MMP21: variants seen among roughly 807,000 people sequenced by gnomAD.
MMP21 encodes matrix metallopeptidase 21.
MMP21 carries 40 observed loss-of-function variants against 47.8 expected under a neutral mutation model. The ratio of observed to expected loss-of-function variants is 0.84; its 90% CI spans 0.65 to 1.09. The LOEUF (loss-of-function observed/expected upper bound fraction) is 1.09, where lower values mean the gene tolerates loss of function less well. Among genes scored for constraint, MMP21 ranks in the 50% least tolerant of loss-of-function variants. The probability of loss-of-function intolerance (pLI) is 0.00; values close to 1 mark genes in which losing one functional copy is unlikely to be tolerated. For missense variants in MMP21, 747 were observed against 775.3 expected (o/e 0.96, Z 0.43); for synonymous variants, 341 against 318.0 (o/e 1.07, Z -0.77).
chr10:125,773,763 TGGG>T lies in MMP21; in HGVS notation c.697+65_697+67del. 7.0e-7 allele frequency: 1 copy of T among 1,428,398 alleles called. No homozygotes were observed. The highest frequency in any genetic ancestry group is 2.7e-5 in the East Asian group (1 of 36,532). The allele number at this position is 1,428,398 out of a possible 1,614,324, so 88.5% of individuals were successfully genotyped here. On this transcript the variant is annotated intron_variant, in intron 2 of 6. Transcript: ENST00000368808. This position sits in a 1 kb window ranked among gnomAD's most constrained non-coding sequence, Gnocchi z 4.8. ...CCCCCCATTCTGCAGGTGGCCGAGGTGGGGGTAGGTGCGCCGGGGTCCCCGAGG... is the reference window on the plus strand; with the variant it reads ...CCCCCCATTCTGCAGGTGGCCGAGGTGGTAGGTGCGCCGGGGTCCCCGAGG...
chr10:125,771,384 G>A (rs931510381), intron 4 of MMP21, among the ~76,000 whole-genome samples: 15 of 151,954 alleles, frequency 9.9e-5, no homozygotes, highest in Non-Finnish European at 1.9e-4. Flanking sequence ...GAACAGAAAT[G>A]GGGTGGTCTC....
At chr10:125,771,677 G>T (rs1328382615) in intron 4 of MMP21, among the ~76,000 whole-genome samples, 1 of 152,164 alleles carries the variant, frequency 6.6e-6, no homozygotes, top group Non-Finnish European at 1.5e-5. Flanking sequence ...TGCTGGGATT[G>T]CAGGCATGAG....
In MMP21 at chr10:125,770,594, TA is replaced by T. The variant is rs763088203; in HGVS notation, c.980-4del. ...ATCAAATGATCCCTCACAGGAGCCT[TA>T]AAAAAACAAACAAAAAACAGCCACT... On this transcript the variant is annotated splice_polypyrimidine_tract_variant and splice_region_variant and intron_variant, in intron 4 of 6. Coordinates refer to ENST00000368808, the MANE Select transcript of MMP21 (RefSeq NM_147191.1). The T allele has an allele frequency of 1.2e-5, 20 of 1,610,508 alleles. No homozygotes were observed. The highest frequency in any genetic ancestry group is 2.7e-5 in the African/African-American group (2 of 74,770).
chr10:125,775,571 C>T lies in MMP21; in HGVS notation c.162+89G>A, dbSNP rs938214803. The T allele has an allele frequency of 6.9e-6, 10 of 1,456,822 alleles. No individual in the cohort carries two copies. The Admixed American group carries it at 2.2e-4, about 32-fold the overall frequency. The allele number at this position is 1,456,822 out of a possible 1,614,324, so 90.2% of individuals were successfully genotyped here. A position where few individuals can be genotyped will look rare whatever the true frequency, so the allele number is the denominator to read the frequency against. Reference sequence around the variant, plus strand: ...TTCTCTGCCTCTGCACAGCCGGCATCCTGGCCTGTGCCTGTGCGCGCGTGC... The same window carrying T: ...TTCTCTGCCTCTGCACAGCCGGCATTCTGGCCTGTGCCTGTGCGCGCGTGC... On this transcript the variant is annotated intron_variant, in intron 1 of 6. Transcript: ENST00000368808.
At position 125,772,794 on chromosome 10, in the gene MMP21, C is replaced by T. The variant is rs1349924592; in HGVS notation, c.698-44G>A. On this transcript the variant is annotated intron_variant, in intron 2 of 6. Transcript: ENST00000368808. This position sits in a 1 kb window ranked among gnomAD's most constrained non-coding sequence, Gnocchi z 5.6. ...AGTTGGTCCCGGTGAAGGATGAGTG[C>T]CCCCCATACAGACTCCTCACCTAGG... 5 of 1,598,790 alleles carry T rather than the reference C, an allele frequency of 3.1e-6. No individual in the cohort carries two copies. The highest frequency in any genetic ancestry group is 3.4e-5 in the Admixed American group (2 of 59,686).
intron 5 of MMP21, among the ~76,000 whole-genome samples, chr10:125,768,334 T>C (rs1252800313): frequency 6.6e-6 from 1 of 152,216 alleles, no homozygotes; most frequent in East Asian, 1.9e-4. Context: ...GCCAGGACTC[T>C]CAAATGCCAC....
At position 125,772,519 on chromosome 10, in the gene MMP21, C is replaced by G; in HGVS notation, c.837+92G>C. The stretch of plus-strand genomic sequence containing the variant: ...CACGGATTCACCTCCTCAGAGGTTG[C>G]GGACACTACATGAGAAAAGCTTGGA... On this transcript the variant is annotated intron_variant, in intron 3 of 6. Coordinates refer to ENST00000368808, the MANE Select transcript of MMP21 (RefSeq NM_147191.1). The surrounding 1 kb of genome is among the most constrained non-coding windows in gnomAD (Gnocchi z 5.6). The G allele has an allele frequency of 1.3e-6, 2 of 1,588,962 alleles. No individual in the cohort carries two copies. The highest frequency in any genetic ancestry group is 8.6e-7 in the Non-Finnish European group (1 of 1,160,118).
At position 125,767,889 on chromosome 10, in the gene MMP21, T is replaced by G. The variant is rs563929619; in HGVS notation, c.1238-185A>C. ...GCCATTTCCCCGCGTCTTGAATTAC[T>G]CTTACATTTAACCCAGGAAGTGCAT... On this transcript the variant is annotated intron_variant, in intron 5 of 6. Transcript: ENST00000368808. Among the ~76,000 whole-genome samples the G allele has an allele frequency of 2.6e-5, 4 of 152,316 alleles. No homozygotes were observed. The South Asian group carries it at 8.3e-4, about 32-fold the overall frequency.
At chr10:125,769,674 C>T (rs1850424876) in intron 5 of MMP21, among the ~76,000 whole-genome samples, 1 of 152,218 alleles carries the variant, frequency 6.6e-6, no homozygotes, top group South Asian at 2.1e-4. Flanking sequence ...CAGTGATCAC[C>T]TCTTCTGCTC....
At position 125,773,721 on chromosome 10, in the gene MMP21, A is replaced by G; in HGVS notation, c.697+110T>C. 1 of 1,344,022 alleles carries G rather than the reference A, an allele frequency of 7.4e-7. No homozygotes were observed. The highest frequency in any genetic ancestry group is 1.7e-5 in the South Asian group (1 of 57,152). 83.3% of individuals were successfully genotyped at this position (1,344,022 alleles called of 1,614,324 possible). On this transcript the variant is annotated intron_variant, in intron 2 of 6. Transcript: ENST00000368808. The surrounding 1 kb of genome is among the most constrained non-coding windows in gnomAD (Gnocchi z 4.8). ...CCCCGCTGACAGGTGCCCCCGGGAC[A>G]GGCCGGGAGGGCTTAGCCCCCCATT...
rs543709664 is a variant in MMP21, at chr10:125,772,115, G to A, written c.979+103C>T. The A allele has an allele frequency of 8.0e-6, 11 of 1,373,364 alleles. No individual in the cohort carries two copies. The highest frequency in any genetic ancestry group is 2.6e-5 in the South Asian group (2 of 77,060). 85.1% of individuals were successfully genotyped at this position (1,373,364 alleles called of 1,614,324 possible). ...GGTGACATGAGTTGTACAACGTTGCGCTCTTAGGCCCAGTTTCCCAGTGAG... is the reference window on the plus strand; with the variant it reads ...GGTGACATGAGTTGTACAACGTTGCACTCTTAGGCCCAGTTTCCCAGTGAG... On this transcript the variant is annotated intron_variant, in intron 4 of 6. Coordinates refer to ENST00000368808, the MANE Select transcript of MMP21 (RefSeq NM_147191.1). This position sits in a 1 kb window ranked among gnomAD's most constrained non-coding sequence, Gnocchi z 5.6.
At chr10:125,767,282 G>A (rs762170400) in intron 6 of MMP21, among the ~76,000 whole-genome samples, 9 of 152,100 alleles carry the variant, frequency 5.9e-5, no homozygotes, top group African/African-American at 1.9e-4. Context: ...ACACAGGCAC[G>A]TGCCACCACA....
chr10:125,772,625 T>A lies in MMP21; in HGVS notation c.823A>T (p.Ile275Phe). ...GGACCACTGACCTTGAGAAGGCTGA[T>A]GCCCGTGTCACTGGTGGGAGGTGTG... ...HFTPPTSDTG[I>F]SLLKVAVHEI... is the part of the protein sequence containing the mutation. Residue 275 changes from isoleucine (I) to phenylalanine (F), a missense_variant, in exon 3 of 7, where the codon ATC becomes TTC. Physicochemically the swap from Ile to Phe is conservative, Grantham distance 21 (BLOSUM62 0). Transcript: ENST00000368808. This position sits in a 1 kb window ranked among gnomAD's most constrained non-coding sequence, Gnocchi z 5.6. The A allele has an allele frequency of 1.2e-6, 2 of 1,614,230 alleles. No individual in the cohort carries two copies. The highest frequency in any genetic ancestry group is 1.7e-6 in the Non-Finnish European group (2 of 1,180,028).
chr10:125,774,311 G>T lies in MMP21; in HGVS notation c.217C>A (p.Pro73Thr). The T allele has an allele frequency of 1.4e-6, 2 of 1,416,272 alleles. No individual in the cohort carries two copies. The highest frequency in any genetic ancestry group is 1.8e-6 in the Non-Finnish European group (2 of 1,093,402). 87.7% of individuals were successfully genotyped at this position (1,416,272 alleles called of 1,614,324 possible). A position where few individuals can be genotyped will look rare whatever the true frequency, so the allele number is the denominator to read the frequency against. The stretch of plus-strand genomic sequence containing the variant: ...TTGGGGGTCTCCGGCGGCCCCTCGG[G>T]ACTGGGCCCCCAGGCCGCCCACACC... Reference protein sequence around the residue: ...SGVWAAWGPSPEGPPETPKGA... With the variant: ...SGVWAAWGPSTEGPPETPKGA... The change falls in exon 2 of 7, where the codon CCC (proline) becomes ACC (threonine). Residue 73 changes from proline to threonine, a missense_variant. By Grantham distance (38) the Pro-to-Thr change is conservative (BLOSUM62 -1). Coordinates refer to ENST00000368808, the MANE Select transcript of MMP21 (RefSeq NM_147191.1).
chr10:125,774,035 C>G lies in MMP21; in HGVS notation c.493G>C (p.Gly165Arg). The stretch of plus-strand genomic sequence containing the variant: ...TTGGAGAAGGCCTGGGCAGCTCCGC[C>G]GTCGGGGTAGCCCCGGGGCTGCCAA... Reference protein sequence around the residue: ...RGWQPRGYPDGGAAQAFSKRT... With the variant: ...RGWQPRGYPDRGAAQAFSKRT... Residue 165 changes from glycine to arginine, a missense_variant, in exon 2 of 7, where the codon GGC becomes CGC. Coordinates refer to ENST00000368808, the MANE Select transcript of MMP21 (RefSeq NM_147191.1). 1 of 1,492,350 alleles carries G rather than the reference C, an allele frequency of 6.7e-7. No individual in the cohort carries two copies. Among genetic ancestry groups the G allele is most frequent in the Non-Finnish European group, 8.9e-7 (1 of 1,126,100 alleles). 92.4% of individuals were successfully genotyped at this position (1,492,350 alleles called of 1,614,324 possible). A position where few individuals can be genotyped will look rare whatever the true frequency, so the allele number is the denominator to read the frequency against.
Position 125,766,724 on chromosome 10 carries a change from T to G in MMP21, c.1648A>C (p.Lys550Gln), listed in dbSNP as rs756415630. ...WLPANGLFPKKFISEKWFDVC... is the reference protein window; with the variant it reads ...WLPANGLFPKQFISEKWFDVC... ...TCAAACCACTTCTCTGAAATAAACT[T>G]TTTTGGAAATAAGCCATTAGCAGGA... is the stretch of plus-strand genomic sequence containing the variant. Residue 550 changes from lysine (K) to glutamine (Q), a missense_variant, in exon 7 of 7, where the codon AAG becomes CAG. By Grantham distance (53) the Lys-to-Gln change is moderately conservative. Coordinates refer to ENST00000368808, the MANE Select transcript of MMP21 (RefSeq NM_147191.1). 1 of 1,613,816 alleles carries G rather than the reference T, an allele frequency of 6.2e-7. No individual in the cohort carries two copies. Among genetic ancestry groups the G allele is most frequent in the Non-Finnish European group, 8.5e-7 (1 of 1,179,960 alleles).
chr10:125,775,556 C>T (rs1291755755), intron 1 of MMP21, 104 bp downstream of exon 1: 3 of 1,420,048 alleles, frequency 2.1e-6, no homozygotes, highest in African/African-American at 1.5e-5. Context: ...TTCTCTGCCT[C>T]TGCACAGCCG....
chr10:125,771,406 A>T (rs28381299), intron 4 of MMP21, among the ~76,000 whole-genome samples: 3,496 of 140,366 alleles, frequency 0.025, 99 homozygotes, highest in East Asian at 0.097. Flanking sequence ...GTTAGGGACT[A>T]TTTTTTTTTT....
At chr10:125,768,454 T>G (rs28381314) in intron 5 of MMP21, among the ~76,000 whole-genome samples, 1,627 of 152,326 alleles carry the variant, frequency 0.011, 20 homozygotes, top group African/African-American at 0.034. Context: ...TTTAGCTGCT[T>G]CTTGTTAGTT....
Sources: gnomAD v4.1 joint callset for allele counts (sites outside exome capture counted in the v4.1 genomes callset) on GRCh38, gnomAD v4.1.1 for gene constraint, Gnocchi (gnomAD v3.1) non-coding constraint, MANE v1.5 for transcripts, NCBI Gene and HGNC (gene_info 2026-07-23, HGNC 2026-07-21) for gene names.